Variants in AOPEP observed in about 807,000 individuals in gnomAD.
AOPEP encodes the protein aminopeptidase O (putative), also known as aminopeptidase O.
In AOPEP, 77 loss-of-function variants were observed where a neutral mutation model predicts 98.1. That is an observed-to-expected ratio of 0.78 (90% CI 0.65 to 0.95). The LOEUF (loss-of-function observed/expected upper bound fraction) is 0.95, where lower values mean the gene tolerates loss of function less well. Among genes scored for constraint, AOPEP ranks in the 40% least tolerant of loss-of-function variants. The probability of loss-of-function intolerance (pLI) is 0.00; values close to 1 mark genes in which losing one functional copy is unlikely to be tolerated. For synonymous variants in AOPEP, 346 were observed against 365.3 expected, an observed-to-expected ratio of 0.95 and a Z score of 0.60; for missense variants, 1,024 against 1,024.7, an observed-to-expected ratio of 1.00 and a Z score of 0.01.
intron 2 of AOPEP, among the ~76,000 whole-genome samples, chr9:94,765,439 A>ACATAATAATAATAATAAT: frequency 8.1e-6 from 1 of 123,820 alleles, no homozygotes; most frequent in East Asian, 2.5e-4. Context: ...TTCTCTACAA[A>ACATAATAATAATAATAAT]AATAATAATA....
chr9:94,803,942 A>C (rs915286166), intron 5 of AOPEP, among the ~76,000 whole-genome samples: 1 of 152,178 alleles, frequency 6.6e-6, no homozygotes, highest in Non-Finnish European at 1.5e-5. Context: ...TAAAGTATAC[A>C]TTTCTTGACT....
intron 5 of AOPEP, among the ~76,000 whole-genome samples, chr9:94,862,938 G>C (rs1483545001): frequency 6.6e-6 from 1 of 152,214 alleles, no homozygotes; most frequent in Admixed American, 6.5e-5. Flanking sequence ...CTAGAAAAGA[G>C]TTTCAGTGTG....
At chr9:94,944,341 T>C (rs1430850918) in intron 7 of AOPEP, among the ~76,000 whole-genome samples, 1 of 152,160 alleles carries the variant, frequency 6.6e-6, no homozygotes, top group Non-Finnish European at 1.5e-5. Flanking sequence ...CAAATGTCCA[T>C]CAACAGATGA....
intron 5 of AOPEP, among the ~76,000 whole-genome samples, chr9:94,914,393 TTTTG>T (rs2052503521): frequency 6.6e-6 from 1 of 152,118 alleles, no homozygotes; most frequent in African/African-American, 2.4e-5. Context: ...CCAAAGCAGG[TTTTG>T]CCTGCTTCTC....
At chr9:95,064,573 G>A (rs958172381) in intron 14 of AOPEP, among the ~76,000 whole-genome samples, 7 of 152,250 alleles carry the variant, frequency 4.6e-5, no homozygotes, top group African/African-American at 1.7e-4. Context: ...ACAGGCGTGA[G>A]CCACCGCGCC....
the AOPEP span, among the ~76,000 whole-genome samples, chr9:95,129,753 A>G: frequency 6.6e-6 from 1 of 152,142 alleles, no homozygotes; most frequent in African/African-American, 2.4e-5. Context: ...CTTCAATAAC[A>G]TGAGTCTTGT....
chr9:95,036,900 G>A (rs777555652), intron 13 of AOPEP, among the ~76,000 whole-genome samples: 3 of 152,116 alleles, frequency 2.0e-5, no homozygotes, highest in Non-Finnish European at 4.4e-5. Context: ...TCTGCAGCCC[G>A]TGTGCCATCT....
At chr9:94,922,243 G>A (rs1036425519) in intron 5 of AOPEP, among the ~76,000 whole-genome samples, 6 of 152,234 alleles carry the variant, frequency 3.9e-5, no homozygotes, top group Admixed American at 1.3e-4. Flanking sequence ...CCGGACAGTG[G>A]AGGCTTTTTC....
intron 14 of AOPEP, among the ~76,000 whole-genome samples, chr9:95,080,149 TA>T (rs1344849514): frequency 6.6e-6 from 1 of 152,214 alleles, no homozygotes; most frequent in Non-Finnish European, 1.5e-5. Flanking sequence ...AAATCATGTT[TA>T]AAACAGTGAA....
intron 10 of AOPEP, among the ~76,000 whole-genome samples, chr9:94,969,533 G>A (rs1197992796): frequency 6.6e-6 from 1 of 150,668 alleles, no homozygotes; most frequent in Non-Finnish European, 1.5e-5. Flanking sequence ...TCAGCCTCCC[G>A]AGTAGCTGGG....
rs1275658233 is a variant in AOPEP, at chr9:94,773,276, T to A, written c.964+108T>A. 6 of 1,013,246 alleles carry A rather than the reference T, an allele frequency of 5.9e-6. No individual in the cohort carries two copies. In the Admixed American group the frequency reaches 1.2e-4, roughly 20 times the overall value. 62.8% of individuals were successfully genotyped at this position (1,013,246 alleles called of 1,614,324 possible). On this transcript the variant is annotated intron_variant, in intron 3 of 16. Coordinates refer to ENST00000375315, the MANE Select transcript of AOPEP (RefSeq NM_001193329.3). Reference sequence around the variant, plus strand: ...TTAAAGAGCTCCTTTATTAGTTGGGTTGGAAATGATCATAGTATAAAACAT... The same window carrying A: ...TTAAAGAGCTCCTTTATTAGTTGGGATGGAAATGATCATAGTATAAAACAT...
chr9:95,059,458 G>A (rs567057492), intron 13 of AOPEP, among the ~76,000 whole-genome samples: 1 of 151,606 alleles, frequency 6.6e-6, no homozygotes, highest in African/African-American at 2.4e-5. Flanking sequence ...GGTGGGTGTG[G>A]TGTTTGCAGT....
chr9:94,871,301 CTT>C (rs1429152288), intron 5 of AOPEP, among the ~76,000 whole-genome samples: 8 of 152,186 alleles, frequency 5.3e-5, no homozygotes, highest in African/African-American at 1.7e-4. Context: ...TTAAACATGT[CTT>C]TTATTTATCA....
At chr9:95,035,463 T>G (rs2064717986) in intron 13 of AOPEP, among the ~76,000 whole-genome samples, 2 of 151,884 alleles carry the variant, frequency 1.3e-5, no homozygotes, top group Admixed American at 1.3e-4. Flanking sequence ...TATTAGTGAT[T>G]TGCTGTTTTT....
At chr9:94,958,538 A>G (rs952407034) in intron 9 of AOPEP, among the ~76,000 whole-genome samples, 1 of 152,162 alleles carries the variant, frequency 6.6e-6, no homozygotes, top group African/African-American at 2.4e-5. Flanking sequence ...TTTTTCACGC[A>G]CTTGCCAACA....
chr9:95,004,633 C>T (rs1049078157), intron 11 of AOPEP, among the ~76,000 whole-genome samples: 7 of 152,000 alleles, frequency 4.6e-5, no homozygotes, highest in African/African-American at 1.4e-4. Flanking sequence ...TCCCCGCCAC[C>T]GCTCCCTCCA....
chr9:94,834,352 T>G (rs2041281324), intron 5 of AOPEP, among the ~76,000 whole-genome samples: 1 of 152,194 alleles, frequency 6.6e-6, no homozygotes, highest in African/African-American at 2.4e-5. Flanking sequence ...TGGGCCTTAT[T>G]TAGATCCCAA....
intron 3 of AOPEP, among the ~76,000 whole-genome samples, chr9:94,784,526 C>T (rs1843985058): frequency 6.6e-6 from 1 of 152,178 alleles, no homozygotes; most frequent in African/African-American, 2.4e-5. Flanking sequence ...ATTCACAGGA[C>T]AGTTTTTAGA....
chr9:94,810,033 C>T (rs1850141272), intron 5 of AOPEP: 1 of 156,002 alleles, frequency 6.4e-6, no homozygotes, highest in Non-Finnish European at 1.5e-5. Context: ...AGACAGCTTG[C>T]ACTGACTCCA....
Sources: allele counts gnomAD v4.1 joint callset (sites outside exome capture counted in the v4.1 genomes callset), GRCh38; gene constraint gnomAD v4.1.1; transcripts MANE v1.5; gene names NCBI Gene and HGNC (gene_info 2026-07-23, HGNC 2026-07-21).